Variants in USP47 observed in about 807,000 individuals in gnomAD.
USP47 encodes the protein ubiquitin carboxyl-terminal hydrolase 47.
USP47 carries 35 observed loss-of-function variants against 165.1 expected under a neutral mutation model. The observed-to-expected ratio is 0.21, with a 90% confidence interval of 0.16 to 0.28. The LOEUF (loss-of-function observed/expected upper bound fraction) is 0.28. Ranked by LOEUF, USP47 falls within the 10% of genes least tolerant of loss-of-function variation. USP47 has a pLI of 1.00. For missense variants in USP47, 1,277 were observed against 1,607.4 expected (o/e 0.79, Z 3.52); for synonymous variants, 531 against 544.5 (o/e 0.98, Z 0.35).
chr11:11,928,958 G>A (rs866744460), intron 11 of USP47, among the ~76,000 whole-genome samples: 2 of 152,058 alleles, frequency 1.3e-5, no homozygotes, highest in Middle Eastern at 3.4e-3. Flanking sequence ...GAACAAATCA[G>A]TAGATCATGA....
In USP47 at chr11:11,955,497, C is replaced by T. The variant is rs543075484; in HGVS notation, c.3893+333C>T. ...AAATATTGTATGTCTGTTATATTTC[C>T]AGCACATCTCAATTTGAACCAGGCA... is the stretch of plus-strand genomic sequence containing the variant. On this transcript the variant is annotated intron_variant, in intron 27 of 27. Transcript: ENST00000527733. 2.0e-5 allele frequency among the ~76,000 whole-genome samples: 3 copies of T among 152,034 alleles called. No homozygotes were observed. In the South Asian group the frequency reaches 6.2e-4, roughly 32 times the overall value.
rs1261200760 is a variant in USP47, at chr11:11,880,147, TATAA to T, written c.40-28_40-25del. Reference sequence around the variant, plus strand: ...CTTTTGTTTTGCTTTAAAGATAATATATAAAGTCATATTTTTCTTAAAATTTCAG... The same window carrying T: ...CTTTTGTTTTGCTTTAAAGATAATATAGTCATATTTTTCTTAAAATTTCAG... On this transcript the variant is annotated intron_variant, in intron 1 of 27. Transcript: ENST00000527733. 15 of 1,406,428 alleles carry T rather than the reference TATAA, an allele frequency of 1.1e-5. No homozygotes were observed. The African/African-American group carries it at 2.1e-4, about 20-fold the overall frequency. The allele number at this position is 1,406,428 out of a possible 1,614,324, so 87.1% of individuals were successfully genotyped here.
intron 8 of USP47, among the ~76,000 whole-genome samples, chr11:11,914,010 A>G (rs946750910): frequency 2.0e-5 from 3 of 152,122 alleles, no homozygotes; most frequent in African/African-American, 7.2e-5. Flanking sequence ...GTCCAGCAAG[A>G]TTTTTTGAGG....
Position 11,930,029 on chromosome 11 carries a change from G to C in USP47, c.1519-15G>C, listed in dbSNP as rs370391078. ...TTATAGAATTTGCAAAAAAAATCAT[G>C]TAACACATTTTCAGATAACACAAGA... is the stretch of plus-strand genomic sequence containing the variant. On this transcript the variant is annotated splice_polypyrimidine_tract_variant and intron_variant, in intron 12 of 27. Coordinates refer to ENST00000527733, the MANE Select transcript of USP47 (RefSeq NM_001282659.2). 2.5e-6 allele frequency: 4 copies of C among 1,609,976 alleles called. No individual in the cohort carries two copies. The African/African-American group carries it at 5.3e-5, about 22-fold the overall frequency.
chr11:11,952,741 G>C lies in USP47; in HGVS notation c.3584G>C (p.Gly1195Ala). ...NWEVFLEVLD[G>A]VEKMKSMSQL... ...ATGACCTAATCTTGCATATTCTTAGGGGTAGAGAAGATGAAGTCCATGTCA... is the reference window on the plus strand; with the variant it reads ...ATGACCTAATCTTGCATATTCTTAGCGGTAGAGAAGATGAAGTCCATGTCA... The change falls in exon 25 of 28, where the codon GGG becomes GCG. Residue 1195 changes from glycine (G) to alanine (A), a missense_variant and splice_region_variant. Transcript: ENST00000527733. 6.3e-7 allele frequency: 1 copy of C among 1,596,482 alleles called. No homozygotes were observed. The highest frequency in any genetic ancestry group is 8.5e-7 in the Non-Finnish European group (1 of 1,171,078).
At position 11,942,461 on chromosome 11, in the gene USP47, G is replaced by T; in HGVS notation, c.2440G>T (p.Val814Leu). 5 of 1,613,578 alleles carry T rather than the reference G, an allele frequency of 3.1e-6. No individual in the cohort carries two copies. Among genetic ancestry groups the T allele is most frequent in the Non-Finnish European group, 4.2e-6 (5 of 1,179,720 alleles). Residue 814 changes from valine to leucine, a missense_variant, in exon 20 of 28, where the codon GTA (valine) becomes TTA (leucine). Around this residue, in one of 4 missense-constraint regions of USP47, gnomAD observed 909 missense variants for 1,068.1 expected, o/e 0.85. Coordinates refer to ENST00000527733, the MANE Select transcript of USP47 (RefSeq NM_001282659.2). ...TGTTTTGCTACCTGAACAATCCCCA[G>T]TATCTTATTCCAAAAGGACAGCATA... ...LFVLLPEQSP[V>L]SYSKRTAYQK...
At chr11:11,918,476 G>A (rs1853588647) in intron 8 of USP47, among the ~76,000 whole-genome samples, 1 of 152,046 alleles carries the variant, frequency 6.6e-6, no homozygotes, top group South Asian at 2.1e-4. Context: ...TTTGATTACT[G>A]TTTGTGTAAG....
At chr11:11,925,628 G>A (rs962517994) in intron 11 of USP47, among the ~76,000 whole-genome samples, 12 of 142,280 alleles carry the variant, frequency 8.4e-5, no homozygotes, top group African/African-American at 2.5e-4. Context: ...GAATTTACTT[G>A]TTAGGGTTTT....
chr11:11,878,728 TA>T (rs1402693107), intron 1 of USP47: 11 of 152,274 alleles, frequency 7.2e-5, no homozygotes, highest in Admixed American at 4.6e-4. Context: ...TATACTTTTA[TA>T]GCAACTTACT....
chr11:11,846,067 A>C (rs936023273), intron 1 of USP47, among the ~76,000 whole-genome samples: 1 of 152,042 alleles, frequency 6.6e-6, no homozygotes, highest in African/African-American at 2.4e-5. Flanking sequence ...TATTCCTCCT[A>C]AATTGTTGTA....
Position 11,955,028 on chromosome 11 carries a change from T to C in USP47, c.3763-6T>C, listed in dbSNP as rs1856471589. ...TGATTTATTCATTCATTCTTTTTCTTTTTAGGGTAGAGGAACATTTCCCTG... is the reference window on the plus strand; with the variant it reads ...TGATTTATTCATTCATTCTTTTTCTCTTTAGGGTAGAGGAACATTTCCCTG... On this transcript the variant is annotated splice_polypyrimidine_tract_variant and splice_region_variant and intron_variant, in intron 26 of 27. Coordinates refer to ENST00000527733, the MANE Select transcript of USP47 (RefSeq NM_001282659.2). 2.5e-6 allele frequency: 4 copies of C among 1,613,452 alleles called. No homozygotes were observed. Among genetic ancestry groups the C allele is most frequent in the Non-Finnish European group, 3.4e-6 (4 of 1,179,720 alleles).
At chr11:11,880,625 TG>T (rs1239260783) in intron 2 of USP47, among the ~76,000 whole-genome samples, 101 of 152,308 alleles carry the variant, frequency 6.6e-4, no homozygotes, top group African/African-American at 2.4e-3. Flanking sequence ...TCATGAAAGG[TG>T]ACTCTCATAA....
At chr11:11,943,717 C>G (rs1279870797) in intron 20 of USP47, 1 of 151,982 alleles carries the variant, frequency 6.6e-6, no homozygotes, top group Non-Finnish European at 1.5e-5. Flanking sequence ...AAAAACATTC[C>G]AGCATAGTAT....
Position 11,958,108 on chromosome 11 carries a change from A to G in USP47, c.*1933A>G, listed in dbSNP as rs1029997100. 3 of 152,228 alleles carry G rather than the reference A, an allele frequency of 2.0e-5. No homozygotes were observed. Among genetic ancestry groups the G allele is most frequent in the Admixed American group, 1.3e-4 (2 of 15,278 alleles). 9.4% of individuals were successfully genotyped at this position (152,228 alleles called of 1,614,324 possible). On this transcript the variant is annotated 3_prime_UTR_variant, in exon 28 of 28. Coordinates refer to ENST00000527733, the MANE Select transcript of USP47 (RefSeq NM_001282659.2). ...GGTTAGTAAATGGGGTTTCTGCTTT[A>G]AAGGACTGACTTGCTATCACACAAA...
Position 11,960,607 on chromosome 11 carries a change from T to C in USP47, c.*4432T>C, listed in dbSNP as rs989812849. 1.3e-5 allele frequency among the ~76,000 whole-genome samples: 2 copies of C among 152,142 alleles called. No individual in the cohort carries two copies. Among genetic ancestry groups the C allele is most frequent in the Non-Finnish European group, 2.9e-5 (2 of 68,018 alleles). Reference sequence around the variant, plus strand: ...TAACCTCTCCTCCCTCAACGGAGTGTCAGGGAGGGGAAGAATCTGTTTTCC... The same window carrying C: ...TAACCTCTCCTCCCTCAACGGAGTGCCAGGGAGGGGAAGAATCTGTTTTCC... On this transcript the variant is annotated 3_prime_UTR_variant, in exon 28 of 28. Transcript: ENST00000527733.
intron 7 of USP47, among the ~76,000 whole-genome samples, chr11:11,904,870 A>G (rs887793473): frequency 2.0e-5 from 3 of 152,172 alleles, no homozygotes; most frequent in Non-Finnish European, 4.4e-5. Context: ...TATATTACTG[A>G]AAGCTAAAAA....
In USP47 at chr11:11,959,927, C is replaced by A. The variant is rs1376492355; in HGVS notation, c.*3752C>A. Among the ~76,000 whole-genome samples, 1 of 152,154 alleles carries A rather than the reference C, an allele frequency of 6.6e-6. No homozygotes were observed. The highest frequency in any genetic ancestry group is 1.5e-5 in the Non-Finnish European group (1 of 68,028). ...CCATGTTTCCCACCTGCCCTCTCCC[C>A]ACCTGTTTTCAGCCTCTTTTATAAT... On this transcript the variant is annotated 3_prime_UTR_variant, in exon 28 of 28. Transcript: ENST00000527733.
chr11:11,867,594 T>C (rs1849765904), intron 1 of USP47, among the ~76,000 whole-genome samples: 1 of 152,208 alleles, frequency 6.6e-6, no homozygotes, highest in African/African-American at 2.4e-5. Context: ...TGTTAAACAT[T>C]TATTTTATAA....
At chr11:11,955,966 A>G (rs1241045750) in intron 27 of USP47, 35 bp from the exon 28 acceptor site, 1 of 1,493,708 alleles carries the variant, frequency 6.7e-7, no homozygotes, top group South Asian at 1.4e-5. Flanking sequence ...GGAGGGCTCT[A>G]CTGGACTAAT....
Sources: allele counts gnomAD v4.1 joint callset (sites outside exome capture counted in the v4.1 genomes callset), GRCh38; gene constraint gnomAD v4.1.1; regional missense constraint gnomAD v4.1.1; transcripts MANE v1.5; gene names NCBI Gene and HGNC (gene_info 2026-07-23, HGNC 2026-07-21).